The following POU6F2 variants were observed in gnomAD, a reference collection of about 807,000 sequenced individuals.
POU6F2 encodes POU class 6 homeobox 2.
POU6F2 carries 31 observed loss-of-function variants against 71.3 expected under a neutral mutation model. That is an observed-to-expected ratio of 0.43 (90% CI 0.33 to 0.59). The LOEUF (loss-of-function observed/expected upper bound fraction) is 0.59. POU6F2 is among the 20% of genes least tolerant of loss of function. POU6F2 has a pLI of 0.04. For synonymous variants in POU6F2, 347 were observed against 355.7 expected, an observed-to-expected ratio of 0.98 and a Z score of 0.27; for missense variants, 783 against 856.8, an observed-to-expected ratio of 0.91 and a Z score of 1.07.
intron 2 of POU6F2, among the ~76,000 whole-genome samples, chr7:39,161,606 A>G (rs188423039): frequency 2.6e-5 from 4 of 152,262 alleles, no homozygotes; most frequent in Non-Finnish European, 5.9e-5. Context: ...CGGCCCATGT[A>G]AACTGATAAG....
intron 6 of POU6F2, among the ~76,000 whole-genome samples, chr7:39,410,095 C>A (rs975200488): frequency 1.8e-4 from 27 of 152,180 alleles, no homozygotes; most frequent in African/African-American, 6.3e-4. Flanking sequence ...TGCCTATAAT[C>A]CCAGCACTGT....
intron 2 of POU6F2, among the ~76,000 whole-genome samples, chr7:39,143,559 T>C (rs1446008829): frequency 6.6e-6 from 1 of 152,200 alleles, no homozygotes; most frequent in Non-Finnish European, 1.5e-5. Context: ...GTGTCTGCTT[T>C]ATAAGCAAGA....
intron 5 of POU6F2, among the ~76,000 whole-genome samples, chr7:39,381,697 G>C (rs1207137416): frequency 1.3e-5 from 2 of 152,118 alleles, no homozygotes; most frequent in Admixed American, 1.3e-4. Context: ...GTACATATAG[G>C]TGTTTCTCAA....
intron 1 of POU6F2, among the ~76,000 whole-genome samples, chr7:39,002,780 AT>A (rs1458270889): frequency 6.6e-6 from 1 of 152,232 alleles, no homozygotes; most frequent in Non-Finnish European, 1.5e-5. Context: ...CCTCCGGGGA[AT>A]TTTTGAATTT....
chr7:39,218,844 T>C (rs1794294222), intron 4 of POU6F2, among the ~76,000 whole-genome samples: 1 of 152,146 alleles, frequency 6.6e-6, no homozygotes, highest in Non-Finnish European at 1.5e-5. Context: ...TGTAGAATAC[T>C]GAGATGGAGA....
intron 2 of POU6F2, among the ~76,000 whole-genome samples, chr7:39,189,370 G>GTT: frequency 1.3e-5 from 1 of 74,170 alleles, no homozygotes; most frequent in Non-Finnish European, 2.4e-5. Context: ...GGTATTTTTT[G>GTT]TTTGTGTGTT....
At chr7:39,143,384 T>C (rs921259675) in intron 2 of POU6F2, among the ~76,000 whole-genome samples, 1 of 152,230 alleles carries the variant, frequency 6.6e-6, no homozygotes, top group African/African-American at 2.4e-5. Context: ...TATGGTTTCC[T>C]GAGAACTGCT....
intron 2 of POU6F2, among the ~76,000 whole-genome samples, chr7:39,158,768 G>A (rs989100965): frequency 1.3e-5 from 2 of 152,226 alleles, no homozygotes; most frequent in Middle Eastern, 3.4e-3. Flanking sequence ...TACTCAGTTC[G>A]CTGATTGAAA....
rs539547087 is a variant in POU6F2 at position 39,279,469 on chromosome 7, T to C, written c.599-60173T>C. Reference sequence around the variant, plus strand: ...GAAATGAAATAATACATTGTTTTCCTAGGGCTGTCATAGCAGAGTTCCACA... The same window carrying C: ...GAAATGAAATAATACATTGTTTTCCCAGGGCTGTCATAGCAGAGTTCCACA... On this transcript the variant is annotated intron_variant, in intron 4 of 9. Transcript: ENST00000518318. 2.6e-5 allele frequency among the ~76,000 whole-genome samples: 4 copies of C among 152,354 alleles called. No individual in the cohort carries two copies. The South Asian group carries it at 8.3e-4, about 32-fold the overall frequency.
intron 1 of POU6F2, among the ~76,000 whole-genome samples, chr7:39,030,098 A>G (rs1789903159): frequency 6.6e-6 from 1 of 152,048 alleles, no homozygotes; most frequent in Non-Finnish European, 1.5e-5. Flanking sequence ...AAAAATTAAA[A>G]TTACTTTTTG....
intron 1 of POU6F2, among the ~76,000 whole-genome samples, chr7:39,010,230 C>A (rs1446476311): frequency 6.9e-5 from 9 of 131,212 alleles, no homozygotes; most frequent in South Asian, 3.2e-4. Context: ...AGAGATTCAA[C>A]TTCTTCCTGG....
intron 1 of POU6F2, chr7:39,006,741 TG>T: frequency 4.9e-6 from 5 of 1,024,430 alleles, no homozygotes. Flanking sequence ...AATAAAATGT[TG>T]GGGTTTTCTT....
At chr7:38,996,956 AC>A (rs2128698146) in intron 1 of POU6F2, among the ~76,000 whole-genome samples, 1 of 152,198 alleles carries the variant, frequency 6.6e-6, no homozygotes, top group South Asian at 2.1e-4. Context: ...TCCCTTCCAG[AC>A]TTTTGTTCCT....
chr7:39,007,672 C>T (rs1789118582), intron 1 of POU6F2, among the ~76,000 whole-genome samples: 1 of 152,120 alleles, frequency 6.6e-6, no homozygotes, highest in South Asian at 2.1e-4. Flanking sequence ...GCTATCCCTC[C>T]CCACTCCCCC....
At chr7:39,385,592 G>A (rs980500183) in intron 5 of POU6F2, among the ~76,000 whole-genome samples, 1 of 152,172 alleles carries the variant, frequency 6.6e-6, no homozygotes, top group African/African-American at 2.4e-5. Context: ...ACTTCATACC[G>A]ATGTCCCAAG....
At chr7:39,241,185 A>G (rs756232783) in intron 4 of POU6F2, among the ~76,000 whole-genome samples, 8 of 152,172 alleles carry the variant, frequency 5.3e-5, no homozygotes, top group Non-Finnish European at 7.3e-5. Context: ...TAATTGTCTT[A>G]GGTAGTTTAG....
chr7:39,388,639 A>G (rs1786997642), intron 5 of POU6F2, among the ~76,000 whole-genome samples: 1 of 152,194 alleles, frequency 6.6e-6, no homozygotes, highest in South Asian at 2.1e-4. Flanking sequence ...AAACAAAGAA[A>G]AGTTGGCTGT....
At chr7:39,219,271 AAAG>A (rs1794303595) in intron 4 of POU6F2, among the ~76,000 whole-genome samples, 1 of 152,216 alleles carries the variant, frequency 6.6e-6, no homozygotes, top group African/African-American at 2.4e-5. Context: ...TTCCATGTAT[AAAG>A]AAGCTATTTT....
chr7:39,106,784 CA>C (rs1385046339), intron 2 of POU6F2, among the ~76,000 whole-genome samples: 2 of 152,250 alleles, frequency 1.3e-5, no homozygotes, highest in East Asian at 3.9e-4. Flanking sequence ...CAACTATGAA[CA>C]GTGTTTCAAG....
Sources: allele counts gnomAD v4.1 joint callset (sites outside exome capture counted in the v4.1 genomes callset), GRCh38; gene constraint gnomAD v4.1.1; transcripts MANE v1.5; gene names NCBI Gene and HGNC (gene_info 2026-07-23, HGNC 2026-07-21).